CNOT10: variants seen among roughly 807,000 people sequenced by gnomAD.
CNOT10 encodes CCR4-NOT transcription complex subunit 10, also known as CCR4-NOT transcription complex, subunit 10.
CNOT10 carries 30 observed loss-of-function variants against 94.6 expected under a neutral mutation model. The ratio of observed to expected loss-of-function variants is 0.32; its 90% CI spans 0.24 to 0.43. The LOEUF (loss-of-function observed/expected upper bound fraction) is 0.43. Ranked by LOEUF, CNOT10 falls within the 20% of genes least tolerant of loss-of-function variation. The pLI, the probability that CNOT10 is intolerant of heterozygous loss-of-function variation, is 1.00. For synonymous variants in CNOT10, 289 were observed against 301.6 expected, an observed-to-expected ratio of 0.96 and a Z score of 0.43; for missense variants, 759 against 877.2, an observed-to-expected ratio of 0.87 and a Z score of 1.70.
intron 1 of CNOT10, among the ~76,000 whole-genome samples, chr3:32,694,120 A>G (rs1390021271): frequency 1.4e-5 from 2 of 142,576 alleles, no homozygotes; most frequent in Non-Finnish European, 3.0e-5. Flanking sequence ...GGGGGTTGCA[A>G]TAGTTCTCAC....
At chr3:32,764,952 G>A (rs920056537) in intron 17 of CNOT10, 143 bp downstream of exon 17, 58 of 1,500,454 alleles carry the variant, frequency 3.9e-5, no homozygotes, top group Non-Finnish European at 4.5e-5. Flanking sequence ...AAATATTCTT[G>A]CAAGGTAAAC....
chr3:32,686,282 T>C (rs1696598419), intron 1 of CNOT10, among the ~76,000 whole-genome samples: 3 of 152,234 alleles, frequency 2.0e-5, no homozygotes, highest in Non-Finnish European at 4.4e-5. Context: ...CATCCAGGTT[T>C]TATTGGAAAG....
chr3:32,688,435 A>C (rs933529119), intron 1 of CNOT10, among the ~76,000 whole-genome samples: 2 of 151,878 alleles, frequency 1.3e-5, no homozygotes, highest in Non-Finnish European at 2.9e-5. Flanking sequence ...CCCATCTACT[A>C]AAAATACAAA....
At chr3:32,722,821 A>C (rs374780664) in intron 8 of CNOT10, among the ~76,000 whole-genome samples, 1 of 151,934 alleles carries the variant, frequency 6.6e-6, no homozygotes, top group South Asian at 2.1e-4. Flanking sequence ...CCGTCTCTAC[A>C]CAAAATACAA....
intron 9 of CNOT10, among the ~76,000 whole-genome samples, chr3:32,727,028 G>A (rs777294289): frequency 3.8e-4 from 58 of 151,760 alleles, no homozygotes; most frequent in Non-Finnish European, 7.2e-4. Flanking sequence ...TGTATTTTTA[G>A]TAGAGATGGG....
intron 13 of CNOT10, among the ~76,000 whole-genome samples, chr3:32,746,594 T>C (rs1185283326): frequency 6.6e-6 from 1 of 152,064 alleles, no homozygotes; most frequent in African/African-American, 2.4e-5. Flanking sequence ...CCCAGCACTT[T>C]GGGAGGCCGA....
At chr3:32,687,465 T>TTTTTTTTG (rs1361507074) in intron 1 of CNOT10, among the ~76,000 whole-genome samples, 2 of 123,676 alleles carry the variant, frequency 1.6e-5, no homozygotes, top group African/African-American at 5.7e-5. Flanking sequence ...TTTTTTTTTT[T>TTTTTTTTG]TTTTGAGACG....
intron 9 of CNOT10, among the ~76,000 whole-genome samples, chr3:32,726,522 GTC>G (rs925014011): frequency 2.0e-5 from 3 of 151,716 alleles, no homozygotes; most frequent in African/African-American, 7.3e-5. Context: ...GTGAAACCCT[GTC>G]TCTACTAAAA....
intron 1 of CNOT10, among the ~76,000 whole-genome samples, chr3:32,691,151 A>C (rs1575197984): frequency 7.2e-6 from 1 of 139,270 alleles, no homozygotes. Flanking sequence ...ACACGCTACC[A>C]CAGCCAGCTT....
intron 12 of CNOT10, 120 bp downstream of exon 12, chr3:32,735,096 G>C: frequency 1.2e-6 from 1 of 847,552 alleles, no homozygotes; most frequent in Non-Finnish European, 1.8e-6. Flanking sequence ...TCTGTTTTGC[G>C]TAACAAGAAA....
intron 7 of CNOT10, among the ~76,000 whole-genome samples, chr3:32,719,534 A>G (rs777838551): frequency 1.3e-5 from 2 of 152,176 alleles, no homozygotes; most frequent in Non-Finnish European, 2.9e-5. Flanking sequence ...AGGGTCCTCC[A>G]CCAGGAGGAT....
intron 17 of CNOT10, among the ~76,000 whole-genome samples, chr3:32,766,882 A>G (rs1216932869): frequency 6.6e-6 from 1 of 152,188 alleles, no homozygotes; most frequent in Non-Finnish European, 1.5e-5. Context: ...GGGTACCACC[A>G]TTGGCAGCCC....
At chr3:32,694,031 CAT>C (rs1191518369) in intron 1 of CNOT10, among the ~76,000 whole-genome samples, 5 of 151,264 alleles carry the variant, frequency 3.3e-5, no homozygotes, top group African/African-American at 7.3e-5. Context: ...TTTCTTGACA[CAT>C]GTTAAAATAC....
chr3:32,695,624 A>T, intron 1 of CNOT10: 1 of 1,535,790 alleles, frequency 6.5e-7, no homozygotes, highest in Non-Finnish European at 8.7e-7. Context: ...GTTTATTTAG[A>T]AATGAAGTCT....
chr3:32,773,193 A>G (rs772544420), intron 18 of CNOT10, among the ~76,000 whole-genome samples: 15 of 152,152 alleles, frequency 9.9e-5, no homozygotes, highest in Non-Finnish European at 8.8e-5. Context: ...CAGCCCACCT[A>G]TAACAAGTTC....
chr3:32,745,788 C>T (rs1052112782), intron 13 of CNOT10, among the ~76,000 whole-genome samples: 1 of 152,168 alleles, frequency 6.6e-6, no homozygotes, highest in Non-Finnish European at 1.5e-5. Flanking sequence ...TGCTTGAGTC[C>T]AGGAATTTGA....
intron 13 of CNOT10, among the ~76,000 whole-genome samples, chr3:32,755,868 C>T (rs906517828): frequency 6.6e-6 from 1 of 151,450 alleles, no homozygotes; most frequent in African/African-American, 2.4e-5. Flanking sequence ...TTGTCAGATC[C>T]TCCACAGGGG....
rs190813739 is a variant in CNOT10, at chr3:32,746,618, T to C, written c.1595+9128T>C. On this transcript the variant is annotated intron_variant, in intron 13 of 18. Transcript: ENST00000328834. ...TTGGGAGGCCGAGGTGGGCAGATCA[T>C]GAGGTCAGGAGATTGAGACCATCCT... Among the ~76,000 whole-genome samples, 392 of 151,756 alleles carry C rather than the reference T, an allele frequency of 2.6e-3. 2 individuals carry two copies. The highest frequency in any genetic ancestry group is 7.2e-3 in the Admixed American group (110 of 15,268).
intron 1 of CNOT10, among the ~76,000 whole-genome samples, chr3:32,691,052 G>A (rs1250325930): frequency 1.4e-5 from 2 of 142,512 alleles, no homozygotes; most frequent in Non-Finnish European, 3.0e-5. Context: ...CTGGACTGCA[G>A]TGGTACGATC....
Sources: gnomAD v4.1 joint callset for allele counts (sites outside exome capture counted in the v4.1 genomes callset) on GRCh38, gnomAD v4.1.1 for gene constraint, MANE v1.5 for transcripts, NCBI Gene and HGNC (gene_info 2026-07-23, HGNC 2026-07-21) for gene names.